The following UBR3 variants were observed in gnomAD, a reference collection of about 807,000 sequenced individuals.
UBR3 encodes ubiquitin protein ligase E3 component n-recognin 3.
In UBR3, 85 loss-of-function variants were observed where a neutral mutation model predicts 243.2. That is an observed-to-expected ratio of 0.35 (90% CI 0.29 to 0.42). The LOEUF (loss-of-function observed/expected upper bound fraction) is 0.42, where lower values mean the gene tolerates loss of function less well. Ranked by LOEUF, UBR3 falls within the 10% of genes least tolerant of loss-of-function variation. UBR3 has a pLI of 1.00. For missense variants in UBR3, 1,686 were observed against 2,300.8 expected, an observed-to-expected ratio of 0.73 and a Z score of 5.47; for synonymous variants, 748 against 799.8, an observed-to-expected ratio of 0.94 and a Z score of 1.09.
At chr2:169,931,473 T>C (rs1203736640) in intron 18 of UBR3, among the ~76,000 whole-genome samples, 1 of 152,148 alleles carries the variant, frequency 6.6e-6, no homozygotes, top group Non-Finnish European at 1.5e-5. Flanking sequence ...GAATAGCTTG[T>C]TACATGAAAC....
intron 24 of UBR3, among the ~76,000 whole-genome samples, chr2:169,986,046 T>G (rs991252895): frequency 1.3e-5 from 2 of 152,186 alleles, no homozygotes; most frequent in Non-Finnish European, 2.9e-5. Context: ...TTAGTAACAT[T>G]ATATCACCAG....
chr2:169,827,613 A>C lies in UBR3; in HGVS notation c.106A>C (p.Lys36Gln). ...LDKAATAAHL[K>Q]AALSRPDNRA... ...CAAGGCGGCCACCGCCGCGCACCTC[A>C]AGGCGGCCCTCAGCCGGCCGGACAA... The change falls in exon 1 of 39, where the codon AAG (lysine) becomes CAG (glutamine). Residue 36 changes from lysine to glutamine, a missense_variant. By Grantham distance (53) the Lys-to-Gln change is moderately conservative. Coordinates refer to ENST00000272793, the MANE Select transcript of UBR3 (RefSeq NM_172070.4). 1 of 1,268,800 alleles carries C rather than the reference A, an allele frequency of 7.9e-7. No individual in the cohort carries two copies. The highest frequency in any genetic ancestry group is 9.9e-7 in the Non-Finnish European group (1 of 1,007,552). 78.6% of individuals were successfully genotyped at this position (1,268,800 alleles called of 1,614,324 possible). A position where few individuals can be genotyped will look rare whatever the true frequency, so the allele number is the denominator to read the frequency against.
At chr2:169,963,513 C>T (rs749881765) in intron 24 of UBR3, among the ~76,000 whole-genome samples, 1 of 151,262 alleles carries the variant, frequency 6.6e-6, no homozygotes, top group African/African-American at 2.4e-5. Context: ...ATCTTTATTT[C>T]AGTAGGAGTT....
chr2:169,942,088 A>C (rs982455419), intron 19 of UBR3, among the ~76,000 whole-genome samples: 5 of 152,222 alleles, frequency 3.3e-5, no homozygotes, highest in Non-Finnish European at 5.9e-5. Context: ...TGTGAGCTCA[A>C]ATACGCATTC....
chr2:170,035,723 T>C (rs1471744204), intron 31 of UBR3, among the ~76,000 whole-genome samples: 1 of 151,972 alleles, frequency 6.6e-6, no homozygotes, highest in African/African-American at 2.4e-5. Flanking sequence ...TGATTGAGAT[T>C]GCATTGAATC....
rs187591624 is a variant in UBR3, at chr2:170,015,818, A to G, written c.4453+452A>G. ...TGCACGTTTGCTTTTATTTATATAT[A>G]TACTTTATGTTATAAAATGAGAATA... On this transcript the variant is annotated intron_variant, in intron 30 of 38. Transcript: ENST00000272793. Among the ~76,000 whole-genome samples the G allele has an allele frequency of 4.3e-4, 65 of 152,042 alleles. No individual in the cohort carries two copies. The East Asian group carries it at 8.1e-3, about 19-fold the overall frequency.
intron 1 of UBR3, among the ~76,000 whole-genome samples, chr2:169,841,663 G>C (rs1011616209): frequency 1.3e-5 from 2 of 152,244 alleles, no homozygotes; most frequent in Admixed American, 1.3e-4. Context: ...GGCAATGGGG[G>C]ACTTAGCACC....
At chr2:170,079,651 A>G (rs147789905) in intron 36 of UBR3, among the ~76,000 whole-genome samples, 163 bp from the exon 37 acceptor site, 19 of 152,324 alleles carry the variant, frequency 1.2e-4, no homozygotes, top group African/African-American at 3.8e-4. Flanking sequence ...TTGAACTACT[A>G]TTTTAGTCAT....
chr2:169,878,595 C>A (rs1275164434), intron 5 of UBR3, 21 bp downstream of exon 5: 1 of 1,545,074 alleles, frequency 6.5e-7, no homozygotes, highest in African/African-American at 1.4e-5. Flanking sequence ...AAGTTCAAAA[C>A]TTTTTAAAAA....
intron 1 of UBR3, among the ~76,000 whole-genome samples, chr2:169,860,929 G>C (rs1480483931): frequency 6.6e-6 from 1 of 152,112 alleles, no homozygotes; most frequent in Non-Finnish European, 1.5e-5. Flanking sequence ...GTGGCCACAG[G>C]CCCGAGAGCC....
intron 24 of UBR3, among the ~76,000 whole-genome samples, chr2:169,982,713 G>T (rs1383700339): frequency 1.3e-5 from 2 of 152,026 alleles, no homozygotes; most frequent in Admixed American, 6.6e-5. Context: ...GTAAGGCAAA[G>T]TACTTCAATT....
chr2:169,987,054 A>G (rs879033554), intron 25 of UBR3, among the ~76,000 whole-genome samples: 1 of 152,142 alleles, frequency 6.6e-6, no homozygotes, highest in South Asian at 2.1e-4. Flanking sequence ...TATATTACCA[A>G]TGCTAGGTGG....
rs531687588 is a variant in UBR3, at chr2:170,056,153, G to A, written c.4785+569G>A. Among the ~76,000 whole-genome samples the A allele has an allele frequency of 8.6e-5, 13 of 151,592 alleles. No individual in the cohort carries two copies. The South Asian group carries it at 2.3e-3, about 27-fold the overall frequency. ...CTTCTGAGTAGCTGGGACTATAGGCGCCTGCCACCATGCCCAGCTAATTTT... is the reference window on the plus strand; with the variant it reads ...CTTCTGAGTAGCTGGGACTATAGGCACCTGCCACCATGCCCAGCTAATTTT... On this transcript the variant is annotated intron_variant, in intron 33 of 38. Transcript: ENST00000272793.
At chr2:170,055,395 G>A in intron 32 of UBR3, 65 bp from the exon 33 acceptor site, 1 of 1,553,440 alleles carries the variant, frequency 6.4e-7, no homozygotes, top group African/African-American at 1.4e-5. Context: ...GCATATATTT[G>A]TAAAACTATG....
intron 35 of UBR3, among the ~76,000 whole-genome samples, chr2:170,064,113 A>G (rs1034007349): frequency 2.0e-5 from 3 of 152,210 alleles, no homozygotes; most frequent in Admixed American, 6.5e-5. Context: ...ATGCAATTTC[A>G]TATATTCATA....
intron 5 of UBR3, among the ~76,000 whole-genome samples, chr2:169,884,580 C>A (rs1424026399): frequency 6.6e-6 from 1 of 152,182 alleles, no homozygotes; most frequent in Non-Finnish European, 1.5e-5. Flanking sequence ...TGTGACTCTT[C>A]CGCTAGTCTC....
intron 23 of UBR3, among the ~76,000 whole-genome samples, chr2:169,951,539 T>G (rs1466240460): frequency 6.6e-6 from 1 of 152,170 alleles, no homozygotes; most frequent in Non-Finnish European, 1.5e-5. Context: ...ACAGATACTA[T>G]CTTAGGTACA....
intron 32 of UBR3, among the ~76,000 whole-genome samples, chr2:170,050,326 T>G (rs1169071545): frequency 1.3e-5 from 2 of 152,322 alleles, no homozygotes; most frequent in Non-Finnish European, 2.9e-5. Context: ...ATTTGACATC[T>G]GCATGTGGTA....
intron 7 of UBR3, among the ~76,000 whole-genome samples, chr2:169,895,618 A>G (rs2084553449): frequency 6.6e-6 from 1 of 152,234 alleles, no homozygotes; most frequent in African/African-American, 2.4e-5. Context: ...TGTAGTTACA[A>G]ATTGTTCTAA....
Sources: gnomAD v4.1 joint callset for allele counts (sites outside exome capture counted in the v4.1 genomes callset) on GRCh38, gnomAD v4.1.1 for gene constraint, MANE v1.5 for transcripts, NCBI Gene and HGNC (gene_info 2026-07-23, HGNC 2026-07-21) for gene names.